Variants in ABCA12 observed in about 807,000 individuals in gnomAD.
The protein encoded by ABCA12 is ATP binding cassette subfamily A member 12.
Under a neutral mutation model 293.5 loss-of-function variants are expected in ABCA12, and 156 were observed. The ratio of observed to expected loss-of-function variants is 0.53; its 90% CI spans 0.47 to 0.61. The LOEUF (loss-of-function observed/expected upper bound fraction) is 0.61. Ranked by LOEUF, ABCA12 falls within the 20% of genes least tolerant of loss-of-function variation. The probability of loss-of-function intolerance (pLI) is 0.00; values close to 1 mark genes in which losing one functional copy is unlikely to be tolerated. For synonymous variants in ABCA12, 1,063 were observed against 1,108.0 expected (o/e 0.96, Z 0.81); for missense variants, 2,797 against 3,090.2 (o/e 0.91, Z 2.25).
At chr2:215,012,893 AT>A (rs1389723562) in intron 15 of ABCA12, among the ~76,000 whole-genome samples, 1 of 152,254 alleles carries the variant, frequency 6.6e-6, no homozygotes, top group Admixed American at 6.5e-5. Context: ...CAAAAATGAT[AT>A]AATATGCACC....
intron 4 of ABCA12, among the ~76,000 whole-genome samples, chr2:215,053,720 C>G (rs1037212184): frequency 1.3e-5 from 2 of 151,814 alleles, no homozygotes; most frequent in African/African-American, 4.8e-5. Flanking sequence ...TTTAAAGAAA[C>G]TCCCTTTTTA....
chr2:215,106,309 T>G (rs1271913222), intron 2 of ABCA12, among the ~76,000 whole-genome samples: 2 of 152,198 alleles, frequency 1.3e-5, no homozygotes, highest in East Asian at 1.9e-4. Flanking sequence ...ACATTTTTTT[T>G]TTCCCAGAGC....
chr2:215,046,057 A>G (rs1431594274), intron 6 of ABCA12, 42 bp from the exon 7 acceptor site: 1 of 1,591,194 alleles, frequency 6.3e-7, no homozygotes, highest in African/African-American at 1.3e-5. Context: ...TGAGACTTTA[A>G]CATTTGTAAT....
At chr2:215,003,012 A>G (rs1421868227) in intron 20 of ABCA12, among the ~76,000 whole-genome samples, 1 of 152,234 alleles carries the variant, frequency 6.6e-6, no homozygotes, top group African/African-American at 2.4e-5. Flanking sequence ...ATACTTTTAG[A>G]GAGTAAATCC....
intron 42 of ABCA12, 71 bp from the exon 43 acceptor site, chr2:214,955,432 A>G: frequency 2.0e-6 from 3 of 1,515,902 alleles, no homozygotes; most frequent in Non-Finnish European, 2.7e-6. Context: ...CTGTAATCCT[A>G]ACACTTTAGG....
intron 40 of ABCA12, among the ~76,000 whole-genome samples, 200 bp downstream of exon 40, chr2:214,958,824 G>T (rs2105937463): frequency 6.6e-6 from 1 of 152,262 alleles, no homozygotes; most frequent in East Asian, 1.9e-4. Context: ...AACGCTGTGA[G>T]TCTACAGTCA....
At chr2:215,116,546 G>A (rs1702690186) in intron 1 of ABCA12, among the ~76,000 whole-genome samples, 1 of 152,034 alleles carries the variant, frequency 6.6e-6, no homozygotes, top group Non-Finnish European at 1.5e-5. Context: ...GCCTGTGGCT[G>A]TATTTAAACA....
intron 1 of ABCA12, among the ~76,000 whole-genome samples, chr2:215,137,189 A>C (rs1703247769): frequency 6.6e-6 from 1 of 152,126 alleles, no homozygotes; most frequent in Non-Finnish European, 1.5e-5. Context: ...TCCTCCTCTT[A>C]CTACACACAT....
chr2:215,001,769 A>C (rs1212228185), intron 20 of ABCA12, 32 bp from the exon 21 acceptor site: 1 of 1,597,678 alleles, frequency 6.3e-7, no homozygotes, highest in Non-Finnish European at 8.6e-7. Context: ...GACAAAAAAA[A>C]ATTATGGTCC....
At chr2:214,941,439 G>A (rs1698398180) in intron 50 of ABCA12, among the ~76,000 whole-genome samples, 1 of 152,168 alleles carries the variant, frequency 6.6e-6, no homozygotes, top group Non-Finnish European at 1.5e-5. Flanking sequence ...ATTTCGGGTG[G>A]AGAGTTCTAT....
At chr2:215,046,519 G>GTGTA (rs1701206085) in intron 6 of ABCA12, among the ~76,000 whole-genome samples, 1 of 146,812 alleles carries the variant, frequency 6.8e-6, no homozygotes, top group African/African-American at 2.5e-5. Context: ...GTGTGTGTGT[G>GTGTA]TATATATATA....
chr2:215,131,233 A>G (rs1376443676), intron 1 of ABCA12, among the ~76,000 whole-genome samples: 1 of 151,724 alleles, frequency 6.6e-6, no homozygotes, highest in African/African-American at 2.4e-5. Context: ...AAGCATGGTG[A>G]TGGTGGATTC....
At chr2:215,047,151 T>A (rs1288720212) in intron 6 of ABCA12, among the ~76,000 whole-genome samples, 1 of 152,138 alleles carries the variant, frequency 6.6e-6, no homozygotes, top group Admixed American at 6.5e-5. Flanking sequence ...GATGGGTTGA[T>A]AGGTGCAGCA....
intron 1 of ABCA12, among the ~76,000 whole-genome samples, chr2:215,134,337 T>C (rs534455726): frequency 1.4e-5 from 2 of 146,808 alleles, no homozygotes; most frequent in South Asian, 4.2e-4. Flanking sequence ...TATGTACATA[T>C]ATATGTATAT....
intron 22 of ABCA12, 68 bp from the exon 23 acceptor site, chr2:214,997,877 T>C: frequency 1.1e-6 from 1 of 940,164 alleles, no homozygotes; most frequent in East Asian, 2.5e-5. Context: ...GAGATTATAA[T>C]ATATAAAGAA....
chr2:214,996,257 A>T (rs944029524), intron 23 of ABCA12, among the ~76,000 whole-genome samples: 1 of 152,188 alleles, frequency 6.6e-6, no homozygotes, highest in Non-Finnish European at 1.5e-5. Flanking sequence ...TCATCTTCAA[A>T]CATGAAATAA....
chr2:215,122,172 T>G (rs758037245), intron 1 of ABCA12, among the ~76,000 whole-genome samples: 1 of 152,238 alleles, frequency 6.6e-6, no homozygotes, highest in Non-Finnish European at 1.5e-5. Flanking sequence ...CTCCCATTTC[T>G]GAAACCTCTT....
At chr2:215,022,350 G>T (rs1700648995) in intron 11 of ABCA12, 1 of 152,160 alleles carries the variant, frequency 6.6e-6, no homozygotes, top group Non-Finnish European at 1.5e-5. Flanking sequence ...TTGGTTCTCT[G>T]AAATAAAAGT....
chr2:215,001,888 C>A, intron 20 of ABCA12, 151 bp from the exon 21 acceptor site: 4 of 709,798 alleles, frequency 5.6e-6, no homozygotes, highest in South Asian at 2.0e-5. Context: ...GTATTCTACA[C>A]CAAAGAAAAT....
Sources: allele counts gnomAD v4.1 joint callset (sites outside exome capture counted in the v4.1 genomes callset), GRCh38; gene constraint gnomAD v4.1.1; transcripts MANE v1.5; gene names NCBI Gene and HGNC (gene_info 2026-07-23, HGNC 2026-07-21).